The following PCLO variants were observed in gnomAD, a reference collection of about 807,000 sequenced individuals.
PCLO encodes piccolo presynaptic cytomatrix protein, also known as protein piccolo.
A neutral mutation model predicts 427.5 loss-of-function variants in PCLO; 82 were observed. The ratio of observed to expected loss-of-function variants is 0.19; its 90% CI spans 0.16 to 0.23. PCLO has a LOEUF of 0.23. Ranked by LOEUF, PCLO falls within the 10% of genes least tolerant of loss-of-function variation. The pLI, the probability that PCLO is intolerant of heterozygous loss-of-function variation, is 1.00. For missense variants in PCLO, 6,239 were observed against 6,115.9 expected, an observed-to-expected ratio of 1.02 and a Z score of -0.67; for synonymous variants, 2,357 against 2,155.4, an observed-to-expected ratio of 1.09 and a Z score of -2.59.
At chr7:83,066,394 T>C (rs1350524696) in intron 3 of PCLO, among the ~76,000 whole-genome samples, 1 of 152,064 alleles carries the variant, frequency 6.6e-6, no homozygotes, top group Non-Finnish European at 1.5e-5. Context: ...AACTCTGTAA[T>C]AGGACTTGAA....
At chr7:83,061,283 C>T (rs1212805379) in intron 3 of PCLO, among the ~76,000 whole-genome samples, 1 of 152,138 alleles carries the variant, frequency 6.6e-6, no homozygotes, top group Non-Finnish European at 1.5e-5. Context: ...CTATTCCCTG[C>T]CATGTGGGTC....
At chr7:82,958,325 TCCTTCTTCCTTCCTTCCTC>T (rs1484269535) in intron 4 of PCLO, among the ~76,000 whole-genome samples, 3,194 of 151,288 alleles carry the variant, frequency 0.021, 125 homozygotes, top group African/African-American at 0.073. Context: ...CATCCTTCCT[TCCTTCTTCCTTCCTTCCTC>T]CCTTCTTCCT....
At chr7:82,873,913 C>A in intron 10 of PCLO, among the ~76,000 whole-genome samples, 1 of 151,894 alleles carries the variant, frequency 6.6e-6, no homozygotes, top group Non-Finnish European at 1.5e-5. Context: ...AAAAAATAAA[C>A]CTAAAGTAAA....
At chr7:82,964,626 G>T (rs1046391183) in intron 4 of PCLO, among the ~76,000 whole-genome samples, 4 of 151,744 alleles carry the variant, frequency 2.6e-5, no homozygotes, top group African/African-American at 9.7e-5. Context: ...AAAGTAGAGG[G>T]CCATGAAAGC....
At chr7:82,942,595 T>G (rs1795110839) in intron 6 of PCLO, among the ~76,000 whole-genome samples, 1 of 152,200 alleles carries the variant, frequency 6.6e-6, no homozygotes, top group South Asian at 2.1e-4. Flanking sequence ...TGGTTTTGAC[T>G]CATTGACATT....
intron 3 of PCLO, among the ~76,000 whole-genome samples, chr7:83,001,044 T>C (rs2115921304): frequency 6.6e-6 from 1 of 152,190 alleles, no homozygotes; most frequent in Non-Finnish European, 1.5e-5. Flanking sequence ...CCAACATTTT[T>C]GCTGCTAAAA....
At position 82,916,586 on chromosome 7, in the gene PCLO, G is replaced by A. The variant is rs764033539; in HGVS notation, c.11400C>T (p.Tyr3800=). 3 of 1,613,560 alleles carry A rather than the reference G, an allele frequency of 1.9e-6. No individual in the cohort carries two copies. The highest frequency in any genetic ancestry group is 2.2e-5 in the South Asian group (2 of 91,070). Residue 3800 remains tyrosine, a synonymous_variant, in exon 7 of 25, where the codon TAC becomes TAT. Transcript: ENST00000333891. ...TCCTCCTGTTAATTCCCATTTCCAG[G>A]TATCGTAGCTTAGCATCAATCTCCT... ...EEKEIDAKLR[Y]LEMGINRRKE...
At chr7:83,162,301 A>G (rs1444034181) in intron 1 of PCLO, 44 bp downstream of exon 1, 1 of 1,539,960 alleles carries the variant, frequency 6.5e-7, no homozygotes, top group Admixed American at 1.9e-5. Flanking sequence ...GTGCACGGGA[A>G]GCTGTACATA....
chr7:83,069,646 G>T lies in PCLO; in HGVS notation c.3300+64604C>A, dbSNP rs996407555. On this transcript the variant is annotated intron_variant, in intron 3 of 24. Transcript: ENST00000333891. Reference sequence around the variant, plus strand: ...TGTTGTGCAGAGAAAGATAATGAATGTAAAGTGCTTAGTTCAGTGCCTAGG... The same window carrying T: ...TGTTGTGCAGAGAAAGATAATGAATTTAAAGTGCTTAGTTCAGTGCCTAGG... 2.6e-5 allele frequency among the ~76,000 whole-genome samples: 4 copies of T among 152,018 alleles called. No homozygotes were observed. The South Asian group carries it at 8.3e-4, about 32-fold the overall frequency.
intron 3 of PCLO, among the ~76,000 whole-genome samples, chr7:83,088,669 C>A: frequency 6.6e-6 from 1 of 152,124 alleles, no homozygotes; most frequent in Admixed American, 6.6e-5. Flanking sequence ...TGTGGTTCCT[C>A]CCTCTCTCTT....
intron 16 of PCLO, among the ~76,000 whole-genome samples, chr7:82,832,359 C>T (rs1019004841): frequency 3.3e-5 from 5 of 151,990 alleles, no homozygotes; most frequent in Admixed American, 3.3e-4. Flanking sequence ...TCACGCCATT[C>T]TCCTGCCTCA....
intron 22 of PCLO, among the ~76,000 whole-genome samples, chr7:82,798,417 C>T (rs1031934189): frequency 2.0e-5 from 3 of 152,070 alleles, no homozygotes; most frequent in Non-Finnish European, 2.9e-5. Flanking sequence ...TGTTTATGTT[C>T]ACTGACAACA....
chr7:83,042,740 T>G (rs1197390004), intron 3 of PCLO, among the ~76,000 whole-genome samples: 1 of 152,114 alleles, frequency 6.6e-6, no homozygotes, highest in Non-Finnish European at 1.5e-5. Flanking sequence ...TGGGTGCCTG[T>G]GATCCCAACT....
At chr7:82,998,024 T>A (rs897422344) in intron 3 of PCLO, among the ~76,000 whole-genome samples, 4 of 151,872 alleles carry the variant, frequency 2.6e-5, no homozygotes, top group Non-Finnish European at 4.4e-5. Flanking sequence ...AGAAGTGAAG[T>A]CACAGGTCAC....
At chr7:82,842,991 T>C (rs1282365358) in intron 13 of PCLO, among the ~76,000 whole-genome samples, 1 of 152,086 alleles carries the variant, frequency 6.6e-6, no homozygotes, top group African/African-American at 2.4e-5. Context: ...GAAAACAGTA[T>C]GGAGGTTCCT....
chr7:82,816,656 C>G (rs915508901), intron 20 of PCLO, among the ~76,000 whole-genome samples: 3 of 152,032 alleles, frequency 2.0e-5, no homozygotes, highest in Admixed American at 2.0e-4. Flanking sequence ...ATAGTCTCAT[C>G]CTCATTATTT....
intron 3 of PCLO, among the ~76,000 whole-genome samples, chr7:82,998,083 C>T (rs1787674313): frequency 6.6e-6 from 1 of 151,938 alleles, no homozygotes; most frequent in Non-Finnish European, 1.5e-5. Context: ...AGAAGCACAA[C>T]TTACCAGTGC....
At chr7:82,993,834 T>C (rs1217466491) in intron 3 of PCLO, among the ~76,000 whole-genome samples, 1 of 152,098 alleles carries the variant, frequency 6.6e-6, no homozygotes, top group Admixed American at 6.6e-5. Context: ...ATGTATCCAT[T>C]CATTCACTCA....
rs1416842218 is a variant in PCLO, at chr7:82,757,088, GAATA to G, written c.*1483_*1486del. On this transcript the variant is annotated 3_prime_UTR_variant, in exon 25 of 25. Transcript: ENST00000333891. ...CACAACATCTCATTTGGAAGGTTAA[GAATA>G]TATAATTGTTTTTATCCTATAGATA... 10 of 152,038 alleles carry G rather than the reference GAATA, an allele frequency of 6.6e-5. No homozygotes were observed. The highest frequency in any genetic ancestry group is 6.6e-4 in the Admixed American group (10 of 15,232). 9.4% of individuals were successfully genotyped at this position (152,038 alleles called of 1,614,324 possible).
Sources: gnomAD v4.1 joint callset for allele counts (sites outside exome capture counted in the v4.1 genomes callset) on GRCh38, gnomAD v4.1.1 for gene constraint, MANE v1.5 for transcripts, NCBI Gene and HGNC (gene_info 2026-07-23, HGNC 2026-07-21) for gene names.